CACNA1C: variants seen among roughly 807,000 people sequenced by gnomAD.
CACNA1C encodes voltage-dependent L-type calcium channel subunit alpha-1C.
CACNA1C carries 30 observed loss-of-function variants against 229.0 expected under a neutral mutation model. That is an observed-to-expected ratio of 0.13 (90% CI 0.10 to 0.18). CACNA1C has a LOEUF of 0.18. Ranked by LOEUF, CACNA1C falls within the 10% of genes least tolerant of loss-of-function variation. The probability of loss-of-function intolerance (pLI) is 1.00; values close to 1 mark genes in which losing one functional copy is unlikely to be tolerated. For missense variants in CACNA1C, 1,658 were observed against 2,845.0 expected (o/e 0.58, Z 9.49); for synonymous variants, 1,114 against 1,132.5 (o/e 0.98, Z 0.33).
chr12:2,454,423 C>T (rs148842730), intron 4 of CACNA1C, among the ~76,000 whole-genome samples: 7 of 152,310 alleles, frequency 4.6e-5, no homozygotes, highest in Non-Finnish European at 1.0e-4. Context: ...CTGACTCCCA[C>T]GATCCCTTCG....
chr12:2,474,730 T>A (rs1377875144), intron 5 of CACNA1C, among the ~76,000 whole-genome samples: 1 of 134,212 alleles, frequency 7.5e-6, no homozygotes, highest in Non-Finnish European at 1.5e-5. Context: ...CGCTCCAGCC[T>A]GGGCAACAAC....
At chr12:2,279,622 A>G (rs1165671406) in intron 3 of CACNA1C, among the ~76,000 whole-genome samples, 1 of 152,228 alleles carries the variant, frequency 6.6e-6, no homozygotes, top group East Asian at 1.9e-4. Flanking sequence ...GCCTGATATT[A>G]ATATAGACAG....
chr12:2,071,702 C>T (rs1267396038), intron 1 of CACNA1C, among the ~76,000 whole-genome samples: 2 of 152,210 alleles, frequency 1.3e-5, no homozygotes, highest in Non-Finnish European at 2.9e-5. Context: ...TTCTGCTTTG[C>T]TTTCCAGTTC....
At chr12:2,169,532 G>A (rs1428590995) in intron 3 of CACNA1C, among the ~76,000 whole-genome samples, 8 of 152,188 alleles carry the variant, frequency 5.3e-5, no homozygotes, top group Non-Finnish European at 1.2e-4. Flanking sequence ...AACCAAGCTT[G>A]TAGACATGGT....
chr12:2,035,387 G>C (rs2048952617), intron 1 of CACNA1C, among the ~76,000 whole-genome samples: 1 of 152,250 alleles, frequency 6.6e-6, no homozygotes, highest in African/African-American at 2.4e-5. Context: ...CTGTCTGCAA[G>C]AGGGGCAGTC....
rs763944473 is a variant in CACNA1C, at chr12:2,585,363, G to A, written c.2340-13G>A. ...AAACAGCCATTTATTTTTTTCTGCTGCTGACTGGCCAGGACTGCCAGCCCA... is the reference window on the plus strand; with the variant it reads ...AAACAGCCATTTATTTTTTTCTGCTACTGACTGGCCAGGACTGCCAGCCCA... On this transcript the variant is annotated splice_polypyrimidine_tract_variant and intron_variant, in intron 16 of 46. Transcript: ENST00000399655. This position sits in a 1 kb window ranked among gnomAD's most constrained non-coding sequence, Gnocchi z 4.1. 6.2e-7 allele frequency: 1 copy of A among 1,609,016 alleles called. No homozygotes were observed. Among genetic ancestry groups the A allele is most frequent in the Non-Finnish European group, 8.5e-7 (1 of 1,177,948 alleles).
At chr12:2,080,385 AG>A (rs1174454555) in intron 1 of CACNA1C, among the ~76,000 whole-genome samples, 1 of 152,206 alleles carries the variant, frequency 6.6e-6, no homozygotes, top group Non-Finnish European at 1.5e-5. Flanking sequence ...GTGGATCACG[AG>A]GTCAGGAGAT....
rs1346330262 is a variant in CACNA1C, at chr12:2,106,372, C to T, written c.50-8852C>T. ...AGCTGGGCATCGTGAAGCCACTGGG[C>T]GCCCACCCCGGGGAGGGTTTCCACC... On this transcript the variant is annotated intron_variant, in intron 1 of 46. Transcript: ENST00000399655. Among the ~76,000 whole-genome samples, 154 of 51,324 alleles carry T rather than the reference C, an allele frequency of 3.0e-3. 13 individuals are homozygous for T. The highest frequency in any genetic ancestry group is 5.4e-3 in the Non-Finnish European group (124 of 23,050). 33.7% of individuals were successfully genotyped at this position (51,324 alleles called of 152,430 possible).
Position 2,108,741 on chromosome 12 carries a change from C to T in CACNA1C, c.50-6483C>T, listed in dbSNP as rs569381986. Among the ~76,000 whole-genome samples, 9 of 152,276 alleles carry T rather than the reference C, an allele frequency of 5.9e-5. No individual in the cohort carries two copies. In the East Asian group the frequency reaches 1.5e-3, roughly 26 times the overall value. On this transcript the variant is annotated intron_variant, in intron 1 of 46. Coordinates refer to ENST00000399655, the MANE Select transcript of CACNA1C (RefSeq NM_000719.7). The surrounding 1 kb of genome is among the most constrained non-coding windows in gnomAD (Gnocchi z 5.3). ...AGGGCCTCGGGTTATCGTCTGAGAT[C>T]GAGAGACGGTGTCCTCTCTGTTCAC...
intron 3 of CACNA1C, among the ~76,000 whole-genome samples, chr12:2,248,517 G>A (rs2074271194): frequency 6.6e-6 from 1 of 152,232 alleles, no homozygotes; most frequent in East Asian, 1.9e-4. Context: ...CAGATGCTCT[G>A]TGTTGAGTGG....
At chr12:2,546,985 C>T (rs143714996) in intron 9 of CACNA1C, among the ~76,000 whole-genome samples, 1 of 152,204 alleles carries the variant, frequency 6.6e-6, no homozygotes, top group African/African-American at 2.4e-5. Context: ...GCATTGTGGT[C>T]CCATGTGAGG....
intron 3 of CACNA1C, among the ~76,000 whole-genome samples, chr12:2,361,966 G>T (rs1475981852): frequency 6.6e-6 from 1 of 152,212 alleles, no homozygotes; most frequent in East Asian, 1.9e-4. Context: ...TTGATCAACT[G>T]ATTGTCTTGA....
At chr12:2,567,038 G>A (rs915513737) in intron 12 of CACNA1C, among the ~76,000 whole-genome samples, 7 of 152,198 alleles carry the variant, frequency 4.6e-5, no homozygotes, top group Admixed American at 2.6e-4. Flanking sequence ...TCAATGGGTC[G>A]TTCATTCTCA....
At position 2,053,597 on chromosome 12, in the gene CACNA1C, A is replaced by T. The variant is rs751212715; in HGVS notation, c.35A>T (p.Glu12Val). Residue 12 changes from glutamate to valine, a missense_variant, in exon 1 of 47, where the codon GAG becomes GTG. Around this residue, in one of 20 missense-constraint regions of CACNA1C, gnomAD observed 111 missense variants for 128.0 expected, o/e 0.87. Transcript: ENST00000399655. This position sits in a 1 kb window ranked among gnomAD's most constrained non-coding sequence, Gnocchi z 5.8. ...VNENTRMYIP[E>V]ENHQGSNYGS... ...GAGAATACGAGGATGTACATTCCAG[A>T]GGAAAACCACCAAGGTAAGGCTGGA... 2.1e-5 allele frequency: 34 copies of T among 1,599,100 alleles called. No individual in the cohort carries two copies. The Admixed American group carries it at 5.8e-4, about 28-fold the overall frequency.
At chr12:2,142,844 A>G (rs2094382962) in intron 3 of CACNA1C, among the ~76,000 whole-genome samples, 1 of 151,476 alleles carries the variant, frequency 6.6e-6, no homozygotes, top group Non-Finnish European at 1.5e-5. Flanking sequence ...ACAGCTATAC[A>G]GTGTGTTTGT....
chr12:2,536,018 G>A (rs2099854197), intron 9 of CACNA1C, among the ~76,000 whole-genome samples: 1 of 152,240 alleles, frequency 6.6e-6, no homozygotes, highest in Non-Finnish European at 1.5e-5. Context: ...ATTTAAGGCA[G>A]CAATTTACTT....
intron 1 of CACNA1C, among the ~76,000 whole-genome samples, chr12:2,009,015 G>A (rs1473710256): frequency 2.6e-5 from 4 of 152,090 alleles, no homozygotes; most frequent in Non-Finnish European, 5.9e-5. Context: ...AGACCATTTC[G>A]AATAGGCAAA....
chr12:2,523,541 T>C (rs893081942), intron 9 of CACNA1C, among the ~76,000 whole-genome samples: 1 of 152,066 alleles, frequency 6.6e-6, no homozygotes, highest in Non-Finnish European at 1.5e-5. Flanking sequence ...CGTCATCACT[T>C]CTGAGTCTCT....
chr12:2,514,828 T>C (rs962340287), intron 9 of CACNA1C, among the ~76,000 whole-genome samples: 4 of 152,136 alleles, frequency 2.6e-5, no homozygotes, highest in African/African-American at 9.7e-5. Flanking sequence ...AGTGTGCTGC[T>C]TCTCCATCTA....
Sources: gnomAD v4.1 joint callset for allele counts (sites outside exome capture counted in the v4.1 genomes callset) on GRCh38, gnomAD v4.1.1 for gene constraint, gnomAD v4.1.1 regional missense constraint, Gnocchi (gnomAD v3.1) non-coding constraint, MANE v1.5 for transcripts, NCBI Gene and HGNC (gene_info 2026-07-23, HGNC 2026-07-21) for gene names.